SPAG16: variants seen among roughly 807,000 people sequenced by gnomAD.
SPAG16 encodes the protein sperm associated antigen 16, also known as sperm-associated antigen 16 protein.
A neutral mutation model predicts 80.4 loss-of-function variants in SPAG16; 86 were observed. The observed-to-expected ratio is 1.07, with a 90% CI of 0.90 to 1.28. The LOEUF is 1.28. Among genes scored for constraint, SPAG16 ranks in the 50% most tolerant of loss-of-function variants. The pLI is 0.00. For missense variants in SPAG16, 870 were observed against 765.3 expected (o/e 1.14, Z -1.61); for synonymous variants, 294 against 265.9 (o/e 1.11, Z -1.03).
intron 15 of SPAG16, among the ~76,000 whole-genome samples, chr2:214,401,944 T>A (rs193301783): frequency 6.6e-6 from 1 of 151,928 alleles, no homozygotes; most frequent in East Asian, 1.9e-4. Context: ...TTGATAGATA[T>A]AACATTTAAT....
chr2:213,978,855 T>C (rs533585840), intron 12 of SPAG16, among the ~76,000 whole-genome samples: 6 of 152,060 alleles, frequency 3.9e-5, no homozygotes, highest in Non-Finnish European at 7.4e-5. Context: ...TTTATGTGAC[T>C]CTGAATAGTC....
chr2:214,081,548 C>G (rs2125264941), intron 13 of SPAG16, among the ~76,000 whole-genome samples: 1 of 152,202 alleles, frequency 6.6e-6, no homozygotes, highest in East Asian at 1.9e-4. Context: ...CATCTACAAG[C>G]CAACAACCGT....
intron 5 of SPAG16, among the ~76,000 whole-genome samples, chr2:213,337,963 A>C (rs548602714): frequency 1.3e-5 from 2 of 152,316 alleles, no homozygotes; most frequent in East Asian, 3.9e-4. Flanking sequence ...TGTTAAGGGC[A>C]GCCAGAGAGA....
At chr2:214,263,148 A>G (rs1320777991) in intron 15 of SPAG16, among the ~76,000 whole-genome samples, 1 of 152,160 alleles carries the variant, frequency 6.6e-6, no homozygotes, top group Admixed American at 6.6e-5. Context: ...CTTAATGTAC[A>G]TAAGATCTCC....
At chr2:213,347,600 G>C (rs1200965133) in intron 6 of SPAG16, among the ~76,000 whole-genome samples, 2 of 152,110 alleles carry the variant, frequency 1.3e-5, no homozygotes, top group Non-Finnish European at 2.9e-5. Context: ...TGTTCTCATT[G>C]GTTTCAAAGA....
At chr2:213,679,915 G>C (rs1435434512) in intron 10 of SPAG16, among the ~76,000 whole-genome samples, 1 of 152,080 alleles carries the variant, frequency 6.6e-6, no homozygotes, top group Non-Finnish European at 1.5e-5. Flanking sequence ...CACCAATTTG[G>C]TGAGGGAGGG....
intron 15 of SPAG16, among the ~76,000 whole-genome samples, chr2:214,304,440 G>C (rs1193427588): frequency 6.6e-6 from 1 of 152,210 alleles, no homozygotes; most frequent in East Asian, 1.9e-4. Flanking sequence ...ACATGCTCCT[G>C]CTGCAGATAA....
intron 14 of SPAG16, among the ~76,000 whole-genome samples, chr2:214,122,692 A>G (rs1423195573): frequency 2.6e-5 from 4 of 151,802 alleles, no homozygotes; most frequent in Non-Finnish European, 4.4e-5. Flanking sequence ...TTTTCCAGCA[A>G]TCCACCTTGA....
chr2:213,324,090 T>A (rs1396444917), intron 5 of SPAG16, among the ~76,000 whole-genome samples: 1 of 152,156 alleles, frequency 6.6e-6, no homozygotes, highest in Non-Finnish European at 1.5e-5. Context: ...TATTGTACAC[T>A]TAAAAATTCG....
At chr2:214,223,418 A>G (rs2058629772) in intron 15 of SPAG16, among the ~76,000 whole-genome samples, 2 of 152,128 alleles carry the variant, frequency 1.3e-5, no homozygotes, top group South Asian at 4.1e-4. Context: ...CGTATAGCAT[A>G]TGAACTAAAT....
chr2:214,051,661 G>C (rs563392238), intron 13 of SPAG16, among the ~76,000 whole-genome samples: 1 of 152,050 alleles, frequency 6.6e-6, no homozygotes, highest in African/African-American at 2.4e-5. Flanking sequence ...AACTTTTCTT[G>C]CTCCTAGAGT....
intron 3 of SPAG16, among the ~76,000 whole-genome samples, chr2:213,305,151 T>C (rs2062889487): frequency 6.6e-6 from 1 of 152,194 alleles, no homozygotes; most frequent in African/African-American, 2.4e-5. Context: ...TGTGTTTTCT[T>C]TCTTGATATC....
At chr2:214,144,142 A>T (rs1389663832) in intron 14 of SPAG16, among the ~76,000 whole-genome samples, 1 of 152,164 alleles carries the variant, frequency 6.6e-6, no homozygotes, top group Non-Finnish European at 1.5e-5. Flanking sequence ...ACAAGATCCT[A>T]TCTCAAAAAT....
intron 15 of SPAG16, among the ~76,000 whole-genome samples, chr2:214,321,798 A>T (rs1696118273): frequency 6.6e-6 from 1 of 152,236 alleles, no homozygotes; most frequent in South Asian, 2.1e-4. Context: ...ATAATAAAAT[A>T]TTGATAAGAA....
chr2:213,456,051 C>T (rs1357369446), intron 9 of SPAG16, among the ~76,000 whole-genome samples: 1 of 152,226 alleles, frequency 6.6e-6, no homozygotes, highest in Non-Finnish European at 1.5e-5. Context: ...TTTCGCCACA[C>T]CTTGCCTCTC....
At chr2:214,119,929 A>T (rs1283171905) in intron 14 of SPAG16, among the ~76,000 whole-genome samples, 1 of 151,904 alleles carries the variant, frequency 6.6e-6, no homozygotes, top group African/African-American at 2.4e-5. Context: ...TCCTTTGTAG[A>T]TAAGGTTGGA....
intron 12 of SPAG16, among the ~76,000 whole-genome samples, chr2:213,957,504 C>G (rs1008472438): frequency 2.0e-5 from 3 of 150,940 alleles, no homozygotes; most frequent in Non-Finnish European, 4.4e-5. Flanking sequence ...TAAACTGAAT[C>G]GGTTGCAAAC....
At chr2:213,320,893 T>A (rs2063583501) in intron 5 of SPAG16, among the ~76,000 whole-genome samples, 1 of 152,038 alleles carries the variant, frequency 6.6e-6, no homozygotes. Context: ...AAAAAAGTTT[T>A]CCGAACTACA....
At chr2:213,875,378 A>T (rs1337525962) in intron 11 of SPAG16, among the ~76,000 whole-genome samples, 1 of 152,136 alleles carries the variant, frequency 6.6e-6, no homozygotes, top group Admixed American at 6.6e-5. Context: ...GAGCCAAAAC[A>T]GAATGGGTCT....
Sources: allele counts gnomAD v4.1 joint callset (sites outside exome capture counted in the v4.1 genomes callset), GRCh38; gene constraint gnomAD v4.1.1; transcripts MANE v1.5; gene names NCBI Gene and HGNC (gene_info 2026-07-23, HGNC 2026-07-21).